Variants in MELK observed in about 807,000 individuals in gnomAD.
MELK encodes the protein maternal embryonic leucine zipper kinase.
Under a neutral mutation model 85.0 loss-of-function variants are expected in MELK, and 81 were observed. The observed-to-expected ratio is 0.95, with a 90% CI of 0.80 to 1.15. The LOEUF (loss-of-function observed/expected upper bound fraction) is 1.15. Among genes scored for constraint, MELK ranks in the 50% most tolerant of loss-of-function variants. The pLI, the probability that MELK is intolerant of heterozygous loss-of-function variation, is 0.00. For synonymous variants in MELK, 252 were observed against 265.0 expected, an observed-to-expected ratio of 0.95 and a Z score of 0.48; for missense variants, 754 against 777.5, an observed-to-expected ratio of 0.97 and a Z score of 0.36.
At chr9:36,607,218 A>T (rs1354947997) in intron 7 of MELK, among the ~76,000 whole-genome samples, 1 of 152,246 alleles carries the variant, frequency 6.6e-6, no homozygotes, top group East Asian at 1.9e-4. Context: ...CATAATCTTC[A>T]TATGTAACCT....
chr9:36,617,736 T>G (rs1826987577), intron 8 of MELK, among the ~76,000 whole-genome samples: 1 of 152,232 alleles, frequency 6.6e-6, no homozygotes. Flanking sequence ...AATGTTTGAT[T>G]CATCTAGAAT....
At chr9:36,649,480 G>T (rs1035168041) in intron 11 of MELK, among the ~76,000 whole-genome samples, 5 of 149,874 alleles carry the variant, frequency 3.3e-5, no homozygotes, top group African/African-American at 1.2e-4. Context: ...GAGCAAAGTA[G>T]AACAGCTAGG....
At chr9:36,658,998 C>T (rs113668513) in intron 13 of MELK, among the ~76,000 whole-genome samples, 3,480 of 151,776 alleles carry the variant, frequency 0.023, 134 homozygotes, top group African/African-American at 0.078. Flanking sequence ...TCTCCTGCCT[C>T]AGCTTCCCGA....
At chr9:36,600,335 C>G (rs1824787447) in intron 7 of MELK, among the ~76,000 whole-genome samples, 1 of 151,830 alleles carries the variant, frequency 6.6e-6, no homozygotes, top group African/African-American at 2.4e-5. Context: ...AATGATTCAC[C>G]CACCTCAGCC....
At chr9:36,644,209 TTGTGTGTGTGTGTGTG>T (rs55796800) in intron 11 of MELK, among the ~76,000 whole-genome samples, 66 of 145,412 alleles carry the variant, frequency 4.5e-4, no homozygotes, top group African/African-American at 1.4e-3. Flanking sequence ...TACCTGTGTT[TTGTGTGTGTGTGTGTG>T]TGTGTGTGTG....
In MELK at chr9:36,665,470, G is replaced by A. The variant is rs765168138; in HGVS notation, c.1297G>A (p.Val433Ile). Residue 433 changes from valine to isoleucine, a missense_variant, in exon 14 of 18, where the codon GTA becomes ATA. By Grantham distance (29) the Val-to-Ile change is conservative. Transcript: ENST00000298048. ...KENVYTPKSA[V>I]KNEEYFMFPE... ...AAATGTATATACTCCTAAGTCTGCT[G>A]TAAAGAATGAAGAGTACTTTATGTT... is the stretch of plus-strand genomic sequence containing the variant. The A allele has an allele frequency of 4.0e-5, 65 of 1,613,246 alleles. No homozygotes were observed. Among genetic ancestry groups the A allele is most frequent in the Non-Finnish European group, 4.8e-5 (57 of 1,179,420 alleles).
chr9:36,671,990 AGG>A (rs1832931311), intron 16 of MELK, among the ~76,000 whole-genome samples: 1 of 152,144 alleles, frequency 6.6e-6, no homozygotes, highest in African/African-American at 2.4e-5. Context: ...GGGCCCAAGC[AGG>A]GGAGAAGATG....
rs1383888442 is a variant in MELK at position 36,593,956 on chromosome 9, GC to G, written c.262-670del. Among the ~76,000 whole-genome samples, 4 of 152,172 alleles carry G rather than the reference GC, an allele frequency of 2.6e-5. No homozygotes were observed. The East Asian group carries it at 7.7e-4, about 29-fold the overall frequency. On this transcript the variant is annotated intron_variant, in intron 4 of 17. Coordinates refer to ENST00000298048, the MANE Select transcript of MELK (RefSeq NM_014791.4). Reference sequence around the variant, plus strand: ...CAAAGTGCTGGGATTACAGGCCTGAGCCACGGCGCCTGGCCAAAGTACTGTT... The same window carrying G: ...CAAAGTGCTGGGATTACAGGCCTGAGCACGGCGCCTGGCCAAAGTACTGTT...
chr9:36,632,425 G>A (rs542823811), intron 9 of MELK, among the ~76,000 whole-genome samples: 3 of 152,026 alleles, frequency 2.0e-5, no homozygotes, highest in Non-Finnish European at 4.4e-5. Context: ...GAAAATATGA[G>A]TATCTTCTTA....
chr9:36,592,908 G>A (rs764675382), intron 4 of MELK, among the ~76,000 whole-genome samples: 7 of 152,120 alleles, frequency 4.6e-5, no homozygotes, highest in Non-Finnish European at 1.0e-4. Flanking sequence ...TATCACCTCA[G>A]AAAGTTTTCT....
intron 8 of MELK, among the ~76,000 whole-genome samples, chr9:36,615,513 C>T (rs1490675378): frequency 7.1e-6 from 1 of 139,972 alleles, no homozygotes; most frequent in Non-Finnish European, 1.6e-5. Context: ...CACCTCCCTC[C>T]CGGACGGGGT....
At chr9:36,650,937 A>T (rs1399826885) in intron 11 of MELK, among the ~76,000 whole-genome samples, 4 of 152,212 alleles carry the variant, frequency 2.6e-5, no homozygotes, top group Admixed American at 2.6e-4. Context: ...TCAATTTGTA[A>T]GGAATAACTG....
intron 13 of MELK, among the ~76,000 whole-genome samples, chr9:36,660,320 A>AT (rs199842584): frequency 2.9e-3 from 436 of 151,506 alleles, no homozygotes; most frequent in Middle Eastern, 0.017. Context: ...TTGCCTGTAA[A>AT]TTTTTTTTTG....
chr9:36,633,091 A>C lies in MELK; in HGVS notation c.736-11A>C. The C allele has an allele frequency of 6.3e-7, 1 of 1,580,684 alleles. No homozygotes were observed. Among genetic ancestry groups the C allele is most frequent in the African/African-American group, 1.4e-5 (1 of 73,746 alleles). ...AATGTTAATCTCTAGCTACTTTTTA[A>C]TGGCCACTAGGTGGACCCAAAGAAA... On this transcript the variant is annotated splice_polypyrimidine_tract_variant and intron_variant, in intron 9 of 17. Coordinates refer to ENST00000298048, the MANE Select transcript of MELK (RefSeq NM_014791.4).
At chr9:36,603,310 A>T (rs953683705) in intron 7 of MELK, among the ~76,000 whole-genome samples, 1 of 152,156 alleles carries the variant, frequency 6.6e-6, no homozygotes, top group Non-Finnish European at 1.5e-5. Context: ...CTAATAAAAT[A>T]GTTGATTCTG....
At chr9:36,616,972 T>G (rs1186624664) in intron 8 of MELK, among the ~76,000 whole-genome samples, 1 of 152,148 alleles carries the variant, frequency 6.6e-6, no homozygotes, top group African/African-American at 2.4e-5. Context: ...CTGCATAGAA[T>G]TGCATTGTAT....
At chr9:36,658,864 G>A (rs1440206136) in intron 13 of MELK, among the ~76,000 whole-genome samples, 1 of 150,784 alleles carries the variant, frequency 6.6e-6, no homozygotes, top group Non-Finnish European at 1.5e-5. Context: ...ATCATGCCTG[G>A]CTAATTTTTT....
At chr9:36,656,447 CT>C (rs1831251663) in intron 12 of MELK, among the ~76,000 whole-genome samples, 1 of 152,106 alleles carries the variant, frequency 6.6e-6, no homozygotes, top group African/African-American at 2.4e-5. Context: ...TTCTGACTTC[CT>C]TTTTCTGTAC....
In MELK at chr9:36,599,415, C is replaced by G; in HGVS notation, c.496C>G (p.Gln166Glu). 1 of 1,605,524 alleles carries G rather than the reference C, an allele frequency of 6.2e-7. No homozygotes were observed. Among genetic ancestry groups the G allele is most frequent in the Non-Finnish European group, 8.5e-7 (1 of 1,174,418 alleles). Residue 166 changes from glutamine (Q) to glutamate (E), a missense_variant, in exon 7 of 18, where the codon CAG (glutamine) becomes GAG (glutamate). By Grantham distance (29) the Gln-to-Glu change is conservative. Coordinates refer to ENST00000298048, the MANE Select transcript of MELK (RefSeq NM_014791.4). ...GCAGGGTAACAAGGATTACCATCTACAGACATGCTGTGGGAGTCTGGCTTA... is the reference window on the plus strand; with the variant it reads ...GCAGGGTAACAAGGATTACCATCTAGAGACATGCTGTGGGAGTCTGGCTTA... ...KPKGNKDYHLQTCCGSLAYAA... is the reference protein window; with the variant it reads ...KPKGNKDYHLETCCGSLAYAA...
Sources: allele counts gnomAD v4.1 joint callset (sites outside exome capture counted in the v4.1 genomes callset), GRCh38; gene constraint gnomAD v4.1.1; transcripts MANE v1.5; gene names NCBI Gene and HGNC (gene_info 2026-07-23, HGNC 2026-07-21).